Variants in TRHDE observed in about 807,000 individuals in gnomAD.
TRHDE encodes thyrotropin releasing hormone degrading enzyme.
Under a neutral mutation model 125.7 loss-of-function variants are expected in TRHDE, and 72 were observed. The ratio of observed to expected loss-of-function variants is 0.57; its 90% CI spans 0.47 to 0.70. The LOEUF (loss-of-function observed/expected upper bound fraction) is 0.70. TRHDE is among the 30% of genes least tolerant of loss of function. The probability of loss-of-function intolerance (pLI) is 0.00; values close to 1 mark genes in which losing one functional copy is unlikely to be tolerated. For synonymous variants in TRHDE, 509 were observed against 509.1 expected, an observed-to-expected ratio of 1.00 and a Z score of 0.00; for missense variants, 1,110 against 1,327.1, an observed-to-expected ratio of 0.84 and a Z score of 2.54.
chr12:72,400,347 T>G (rs1483640488), intron 3 of TRHDE, among the ~76,000 whole-genome samples: 6 of 152,150 alleles, frequency 3.9e-5, no homozygotes, highest in Non-Finnish European at 8.8e-5. Context: ...TTAATTACTG[T>G]TGGTACGAGC....
chr12:72,300,375 C>CAT lies in TRHDE; in HGVS notation c.1188+13422_1188+13423insTA, dbSNP rs1555174443. Among the ~76,000 whole-genome samples, 12 of 149,898 alleles carry CAT rather than the reference C, an allele frequency of 8.0e-5. No homozygotes were observed. The South Asian group carries it at 1.0e-3, about 13-fold the overall frequency. ...TAAAATATATGTGTATACACACACA[C>CAT]ACACACACACACACACACACACACA... On this transcript the variant is annotated intron_variant, in intron 2 of 18. Coordinates refer to ENST00000261180, the MANE Select transcript of TRHDE (RefSeq NM_013381.3).
intron 2 of TRHDE, among the ~76,000 whole-genome samples, chr12:72,355,750 A>G (rs760923761): frequency 6.6e-6 from 1 of 151,908 alleles, no homozygotes; most frequent in East Asian, 1.9e-4. Flanking sequence ...GAACATGAAC[A>G]CACACTTTTC....
chr12:72,247,631 T>C (rs969412316), intron 2 of TRHDE, among the ~76,000 whole-genome samples: 4 of 152,208 alleles, frequency 2.6e-5, no homozygotes, highest in Non-Finnish European at 5.9e-5. Flanking sequence ...TGTTTTTCAT[T>C]ATAGACACTC....
intron 12 of TRHDE, among the ~76,000 whole-genome samples, chr12:72,603,660 G>A (rs1198485043): frequency 6.6e-6 from 1 of 152,118 alleles, no homozygotes; most frequent in Non-Finnish European, 1.5e-5. Context: ...GGGAGGCGGA[G>A]CTTGCAGTGA....
At chr12:72,423,732 C>A (rs1353577938) in intron 3 of TRHDE, among the ~76,000 whole-genome samples, 2 of 152,080 alleles carry the variant, frequency 1.3e-5, no homozygotes, top group Non-Finnish European at 1.5e-5. Context: ...ATCAGTTTAA[C>A]TTTAAATGGG....
intron 2 of TRHDE, among the ~76,000 whole-genome samples, chr12:72,328,420 GT>G (rs927074405): frequency 2.0e-5 from 3 of 150,248 alleles, no homozygotes; most frequent in Admixed American, 6.6e-5. Context: ...ATTTCTATTG[GT>G]TTTTTTAAAA....
chr12:72,655,858 C>G (rs1874689666), intron 17 of TRHDE, among the ~76,000 whole-genome samples: 2 of 152,186 alleles, frequency 1.3e-5, no homozygotes, highest in South Asian at 2.1e-4. Context: ...TTTTACTTAG[C>G]TAGCTTTTTT....
At chr12:72,289,498 A>G (rs763602554) in intron 2 of TRHDE, among the ~76,000 whole-genome samples, 1 of 152,170 alleles carries the variant, frequency 6.6e-6, no homozygotes, top group Non-Finnish European at 1.5e-5. Context: ...AACATTTTTT[A>G]TATTAGTTGT....
At chr12:72,612,453 A>G (rs1368711008) in intron 12 of TRHDE, among the ~76,000 whole-genome samples, 1 of 152,216 alleles carries the variant, frequency 6.6e-6, no homozygotes, top group East Asian at 1.9e-4. Flanking sequence ...TCAGAGAGGT[A>G]TTTTGAGAGG....
At chr12:72,254,403 G>C (rs917872460) in intron 2 of TRHDE, 16 of 152,074 alleles carry the variant, frequency 1.1e-4, no homozygotes, top group African/African-American at 3.9e-4. Flanking sequence ...CTCCAGGCCT[G>C]CACACACATG....
intron 5 of TRHDE, among the ~76,000 whole-genome samples, chr12:72,487,183 C>G (rs1177554683): frequency 2.6e-5 from 4 of 151,752 alleles, no homozygotes; most frequent in Admixed American, 2.0e-4. Context: ...TCATATTATG[C>G]AATTTTCAGA....
chr12:72,456,431 CTATT>C (rs1217057145), intron 3 of TRHDE, among the ~76,000 whole-genome samples: 4 of 152,148 alleles, frequency 2.6e-5, no homozygotes, highest in South Asian at 4.1e-4. Context: ...ATTTTAATAA[CTATT>C]TAAACAGATT....
intron 12 of TRHDE, among the ~76,000 whole-genome samples, chr12:72,601,438 T>G (rs755863323): frequency 2.0e-5 from 3 of 152,154 alleles, no homozygotes; most frequent in Non-Finnish European, 2.9e-5. Flanking sequence ...TAAAACATTA[T>G]ATAAACTTAC....
At chr12:72,408,993 A>G (rs910397813) in intron 3 of TRHDE, among the ~76,000 whole-genome samples, 46 of 152,282 alleles carry the variant, frequency 3.0e-4, no homozygotes, top group African/African-American at 1.1e-3. Context: ...TGTTGGCTGC[A>G]AATGTTCCTG....
At chr12:72,341,881 G>A (rs1290628324) in intron 2 of TRHDE, among the ~76,000 whole-genome samples, 1 of 152,078 alleles carries the variant, frequency 6.6e-6, no homozygotes, top group Non-Finnish European at 1.5e-5. Context: ...TCAAAATCCT[G>A]AGCTGTTAAG....
At chr12:72,370,896 C>T (rs532972764) in intron 2 of TRHDE, among the ~76,000 whole-genome samples, 6 of 152,176 alleles carry the variant, frequency 3.9e-5, no homozygotes, top group African/African-American at 1.4e-4. Flanking sequence ...GCATGCACCA[C>T]CATGCTCAGC....
chr12:72,289,680 T>G (rs1484479336), intron 2 of TRHDE, among the ~76,000 whole-genome samples: 1 of 152,186 alleles, frequency 6.6e-6, no homozygotes, highest in Non-Finnish European at 1.5e-5. Flanking sequence ...TAGGCTCTTG[T>G]GATATAGCAG....
At chr12:72,558,906 A>C (rs1391436163) in intron 7 of TRHDE, among the ~76,000 whole-genome samples, 1 of 152,098 alleles carries the variant, frequency 6.6e-6, no homozygotes, top group African/African-American at 2.4e-5. Flanking sequence ...TCAGTTATCT[A>C]TGTGGCTTGG....
intron 15 of TRHDE, among the ~76,000 whole-genome samples, chr12:72,649,241 A>G (rs2136107360): frequency 6.6e-6 from 1 of 152,210 alleles, no homozygotes; most frequent in South Asian, 2.1e-4. Flanking sequence ...ATTCACAAAT[A>G]TATGCTCAAC....
Sources: allele counts gnomAD v4.1 joint callset (sites outside exome capture counted in the v4.1 genomes callset), GRCh38; gene constraint gnomAD v4.1.1; transcripts MANE v1.5; gene names NCBI Gene and HGNC (gene_info 2026-07-23, HGNC 2026-07-21).